Variants in IL1RAPL1 observed in about 807,000 individuals in gnomAD.
The protein encoded by IL1RAPL1 is interleukin-1 receptor accessory protein-like 1.
In IL1RAPL1, 3 loss-of-function variants were observed where a neutral mutation model predicts 48.4. That is an observed-to-expected ratio of 0.06 (90% CI 0.03 to 0.16). IL1RAPL1 has a LOEUF of 0.16. Ranked by LOEUF, IL1RAPL1 falls within the 10% of genes least tolerant of loss-of-function variation. IL1RAPL1 has a pLI of 1.00. For missense variants in IL1RAPL1, 349 were observed against 530.6 expected (o/e 0.66, Z 3.36); for synonymous variants, 185 against 187.7 (o/e 0.99, Z 0.12).
At chrX:29,215,466 C>T (rs1321449648) in intron 2 of IL1RAPL1, among the ~76,000 whole-genome samples, 4 of 111,133 alleles carry the variant, frequency 3.6e-5, no homozygotes, top group African/African-American at 6.6e-5. Flanking sequence ...AGTTCTGAAT[C>T]GTGAGTCATT....
At chrX:29,043,947 G>A (rs1209075816) in intron 2 of IL1RAPL1, among the ~76,000 whole-genome samples, 1 of 111,812 alleles carries the variant, frequency 8.9e-6, no homozygotes, top group East Asian at 2.8e-4. Context: ...CATGTTTTAA[G>A]TTTTATTTTT....
chrX:29,163,720 C>G (rs763651074), intron 2 of IL1RAPL1, among the ~76,000 whole-genome samples: 67 of 110,748 alleles, frequency 6.0e-4, no homozygotes, highest in African/African-American at 2.0e-3. Context: ...CAAATTAAAA[C>G]GAAGACTAGA....
At chrX:29,142,876 T>A in intron 2 of IL1RAPL1, among the ~76,000 whole-genome samples, 1 of 110,000 alleles carries the variant, frequency 9.1e-6, no homozygotes, top group Non-Finnish European at 1.9e-5. Context: ...AATTTTTGTA[T>A]TTTTAGTAGA....
At chrX:29,873,390 A>T (rs1172829196) in intron 6 of IL1RAPL1, among the ~76,000 whole-genome samples, 1 of 93,398 alleles carries the variant, frequency 1.1e-5, no homozygotes, top group Non-Finnish European at 2.0e-5. Context: ...CCCCCCCCCA[A>T]TTATATGTTG....
At chrX:29,646,307 T>G (rs1293606445) in intron 5 of IL1RAPL1, among the ~76,000 whole-genome samples, 2 of 111,576 alleles carry the variant, frequency 1.8e-5, no homozygotes, top group East Asian at 5.6e-4. Flanking sequence ...ATATAAGGAA[T>G]GAAATAATAA....
intron 5 of IL1RAPL1, among the ~76,000 whole-genome samples, chrX:29,567,179 A>G (rs899582412): frequency 1.2e-4 from 13 of 110,548 alleles, no homozygotes; most frequent in Admixed American, 1.1e-3. Flanking sequence ...TAATGAGAAC[A>G]TCTTATTAGA....
chrX:28,928,768 T>C (rs922687775), intron 2 of IL1RAPL1, among the ~76,000 whole-genome samples: 4 of 112,177 alleles, frequency 3.6e-5, no homozygotes, highest in East Asian at 5.6e-4. Flanking sequence ...GTGGAACTTA[T>C]GCTCTCTAAA....
chrX:28,801,966 T>G (rs181576186), intron 2 of IL1RAPL1, among the ~76,000 whole-genome samples: 1 of 112,105 alleles, frequency 8.9e-6, no homozygotes, highest in African/African-American at 3.2e-5. Flanking sequence ...CTGACACTTT[T>G]TTCTGTAACT....
In IL1RAPL1 at chrX:29,318,412, C is replaced by T. The variant is rs183727870; in HGVS notation, c.362+35195C>T. Reference sequence around the variant, plus strand: ...AATACAAACTATGTGAATTTGATGACGCATTTTCCCTTTATTTCTGTTAGT... The same window carrying T: ...AATACAAACTATGTGAATTTGATGATGCATTTTCCCTTTATTTCTGTTAGT... On this transcript the variant is annotated intron_variant, in intron 3 of 10. Transcript: ENST00000378993. 2.2e-3 allele frequency among the ~76,000 whole-genome samples: 251 copies of T among 112,450 alleles called. 1 individual carries two copies. Among genetic ancestry groups the T allele is most frequent in the Admixed American group, 0.019 (202 of 10,615 alleles).
chrX:28,865,607 T>C (rs951475666), intron 2 of IL1RAPL1, among the ~76,000 whole-genome samples: 2 of 111,918 alleles, frequency 1.8e-5, no homozygotes, highest in Admixed American at 1.9e-4. Context: ...ATGTAAATGG[T>C]ATTTAAAACC....
chrX:28,740,945 C>A (rs4243378), intron 1 of IL1RAPL1, among the ~76,000 whole-genome samples: 55,362 of 110,548 alleles, frequency 0.5, 10,309 homozygotes, highest in Middle Eastern at 0.74. Flanking sequence ...AATGGTATTG[C>A]AGTTAACATA....
At chrX:28,636,719 A>C (rs1934469757) in intron 1 of IL1RAPL1, among the ~76,000 whole-genome samples, 1 of 111,552 alleles carries the variant, frequency 9.0e-6, no homozygotes, top group Admixed American at 9.6e-5. Flanking sequence ...AATAAGGGAT[A>C]GAGCAAAAGG....
intron 2 of IL1RAPL1, among the ~76,000 whole-genome samples, chrX:28,928,706 C>A (rs148038559): frequency 0.016 from 1,795 of 112,038 alleles, 18 homozygotes; most frequent in Middle Eastern, 0.032. Flanking sequence ...CCTGACCTAA[C>A]GAAAGTAGGA....
At chrX:29,884,914 C>G (rs1932115354) in intron 6 of IL1RAPL1, among the ~76,000 whole-genome samples, 1 of 111,846 alleles carries the variant, frequency 8.9e-6, no homozygotes, top group Admixed American at 9.5e-5. Context: ...CTTATCACTT[C>G]TCCAACTCTT....
chrX:29,697,755 A>G (rs1331269758), intron 6 of IL1RAPL1, among the ~76,000 whole-genome samples: 2 of 111,695 alleles, frequency 1.8e-5, no homozygotes, highest in Admixed American at 1.9e-4. Flanking sequence ...CATCCAAAAT[A>G]TATTCCAAAT....
intron 2 of IL1RAPL1, among the ~76,000 whole-genome samples, chrX:29,102,445 T>A (rs1259824607): frequency 9.0e-6 from 1 of 111,470 alleles, no homozygotes; most frequent in East Asian, 2.8e-4. Context: ...GGCGGGCGGA[T>A]CACCTGAGGT....
chrX:29,433,361 A>G (rs752557230), intron 5 of IL1RAPL1, among the ~76,000 whole-genome samples: 4 of 110,956 alleles, frequency 3.6e-5, no homozygotes, highest in Non-Finnish European at 7.6e-5. Context: ...ATTAATATAG[A>G]CATCATCCCT....
chrX:29,565,862 G>A (rs773588277), intron 5 of IL1RAPL1, among the ~76,000 whole-genome samples: 2 of 111,957 alleles, frequency 1.8e-5, no homozygotes, highest in Non-Finnish European at 3.8e-5. Flanking sequence ...TAAATAAAAT[G>A]TGGTAAGACA....
chrX:28,608,815 A>G (rs918555080), intron 1 of IL1RAPL1, among the ~76,000 whole-genome samples: 2 of 112,402 alleles, frequency 1.8e-5, no homozygotes, highest in African/African-American at 6.5e-5. Context: ...TTTTAAGACC[A>G]AAATTTAAAA....
Sources: allele counts gnomAD v4.1 joint callset (sites outside exome capture counted in the v4.1 genomes callset), GRCh38; gene constraint gnomAD v4.1.1; transcripts MANE v1.5; gene names NCBI Gene and HGNC (gene_info 2026-07-23, HGNC 2026-07-21).